SFMBT1: variants seen among roughly 807,000 people sequenced by gnomAD.
SFMBT1 encodes Scm like with four mbt domains 1, also known as scm-like with four MBT domains protein 1.
Under a neutral mutation model 108.7 loss-of-function variants are expected in SFMBT1, and 32 were observed. The observed-to-expected ratio is 0.29, with a 90% CI of 0.22 to 0.40. SFMBT1 has a LOEUF of 0.40. SFMBT1 is among the 10% of genes least tolerant of loss of function. SFMBT1 has a pLI of 1.00. For synonymous variants in SFMBT1, 348 were observed against 369.5 expected (o/e 0.94, Z 0.67); for missense variants, 816 against 1,059.6 (o/e 0.77, Z 3.19).
chr3:52,941,593 C>CAAA (rs145581859), intron 4 of SFMBT1, among the ~76,000 whole-genome samples: 15,427 of 63,846 alleles, frequency 0.24, 3,328 homozygotes, highest in East Asian at 0.41. Flanking sequence ...GACTCTGTTT[C>CAAA]AAAAAAAAAA....
intron 1 of SFMBT1, among the ~76,000 whole-genome samples, chr3:53,003,625 C>T (rs1004135448): frequency 5.4e-5 from 8 of 149,530 alleles, no homozygotes; most frequent in African/African-American, 1.7e-4. Context: ...GGGCATACCA[C>T]AGAAGCAGTA....
intron 1 of SFMBT1, among the ~76,000 whole-genome samples, chr3:53,004,251 TCTTTC>T (rs145115373): frequency 0.33 from 45,193 of 135,974 alleles, 9,239 homozygotes; most frequent in East Asian, 0.51. Context: ...CCTTCTTTCT[TCTTTC>T]TCTCTCTCTC....
intron 1 of SFMBT1, among the ~76,000 whole-genome samples, chr3:53,004,670 CT>C (rs1215884973): frequency 6.7e-6 from 1 of 150,152 alleles, no homozygotes; most frequent in African/African-American, 2.4e-5. Context: ...TGATAGATCT[CT>C]GAAATTTTGA....
intron 1 of SFMBT1, among the ~76,000 whole-genome samples, chr3:53,027,900 G>A (rs1330363447): frequency 6.6e-6 from 1 of 152,198 alleles, no homozygotes; most frequent in Admixed American, 6.5e-5. Context: ...AGACCTTGGT[G>A]ATGACCTTGA....
intron 11 of SFMBT1, among the ~76,000 whole-genome samples, chr3:52,921,183 C>G (rs1047360658): frequency 1.3e-5 from 2 of 152,322 alleles, no homozygotes; most frequent in African/African-American, 4.8e-5. Context: ...CAGTAGGTAC[C>G]TTCTCAAAGT....
At chr3:53,022,121 G>A (rs1261759339) in intron 1 of SFMBT1, among the ~76,000 whole-genome samples, 1 of 152,172 alleles carries the variant, frequency 6.6e-6, no homozygotes, top group East Asian at 1.9e-4. Context: ...AAGAATCTAA[G>A]CTACTCTAGC....
At chr3:53,020,219 T>C (rs1699260996) in intron 1 of SFMBT1, among the ~76,000 whole-genome samples, 1 of 151,780 alleles carries the variant, frequency 6.6e-6, no homozygotes, top group Non-Finnish European at 1.5e-5. Context: ...TGAAACCCCG[T>C]CTCTACTAAA....
At chr3:52,978,976 C>T (rs1052272307) in intron 1 of SFMBT1, among the ~76,000 whole-genome samples, 1 of 151,984 alleles carries the variant, frequency 6.6e-6, no homozygotes, top group Non-Finnish European at 1.5e-5. Context: ...ATAACGACTA[C>T]TAATATGTAC....
chr3:53,015,419 T>C (rs1699093213), intron 1 of SFMBT1, among the ~76,000 whole-genome samples: 1 of 152,146 alleles, frequency 6.6e-6, no homozygotes, highest in Non-Finnish European at 1.5e-5. Context: ...GACCCAGCAA[T>C]TCCACTCCTA....
intron 3 of SFMBT1, among the ~76,000 whole-genome samples, chr3:52,945,137 A>T (rs868152719): frequency 1.0e-5 from 1 of 95,942 alleles, no homozygotes; most frequent in African/African-American, 4.2e-5. Context: ...CCTTCCAATT[A>T]AAAAAAAAAA....
intron 1 of SFMBT1, among the ~76,000 whole-genome samples, chr3:53,031,661 T>C (rs1375856323): frequency 6.6e-6 from 1 of 152,168 alleles, no homozygotes; most frequent in Non-Finnish European, 1.5e-5. Flanking sequence ...ATTGGTTATT[T>C]ATTCATACCT....
intron 17 of SFMBT1, among the ~76,000 whole-genome samples, chr3:52,908,789 T>C (rs912846090): frequency 1.3e-5 from 2 of 152,148 alleles, no homozygotes; most frequent in African/African-American, 4.8e-5. Context: ...CAGGCTGGTC[T>C]TGAACTCCTG....
At chr3:52,933,508 C>T (rs960545048) in intron 5 of SFMBT1, among the ~76,000 whole-genome samples, 5 of 151,764 alleles carry the variant, frequency 3.3e-5, no homozygotes, top group African/African-American at 1.2e-4. Flanking sequence ...ACTTACATAT[C>T]CAGATATGCA....
rs574224179 is a variant in SFMBT1, at chr3:52,959,113, T to C, written c.29-4702A>G. ...GACACATCGGGGGGAAAAGCATACATTGGGGCCTGTCAAGGGGGACGGGGG... is the reference window on the plus strand; with the variant it reads ...GACACATCGGGGGGAAAAGCATACACTGGGGCCTGTCAAGGGGGACGGGGG... On this transcript the variant is annotated intron_variant, in intron 2 of 20. Transcript: ENST00000394752. 1.0e-3 allele frequency among the ~76,000 whole-genome samples: 152 copies of C among 150,896 alleles called. 1 individual carries two copies. The South Asian group carries it at 0.014, about 14-fold the overall frequency.
In SFMBT1 at chr3:52,948,182, GTTTA is replaced by G. The variant is rs371274918; in HGVS notation, c.124-4593_124-4590del. On this transcript the variant is annotated intron_variant, in intron 3 of 20. Transcript: ENST00000394752. ...AATATGAAGTTAAATATGGGTAAGG[GTTTA>G]TTTGTTTCAACATGTGTACACAATT... 1.2e-4 allele frequency among the ~76,000 whole-genome samples: 19 copies of G among 152,206 alleles called. No individual in the cohort carries two copies. The East Asian group carries it at 2.5e-3, about 20-fold the overall frequency.
chr3:53,036,623 C>T (rs763399408), intron 1 of SFMBT1, among the ~76,000 whole-genome samples: 3 of 152,320 alleles, frequency 2.0e-5, no homozygotes, highest in South Asian at 2.1e-4. Context: ...GGAAGCCCAA[C>T]GGGCAGGGAT....
At chr3:52,996,256 G>A (rs1698328540) in intron 1 of SFMBT1, among the ~76,000 whole-genome samples, 1 of 130,230 alleles carries the variant, frequency 7.7e-6, no homozygotes, top group African/African-American at 2.9e-5. Context: ...CTGGTCACTG[G>A]GCTGCAGTGC....
At chr3:52,950,916 C>T (rs1217907017) in intron 3 of SFMBT1, among the ~76,000 whole-genome samples, 1 of 151,746 alleles carries the variant, frequency 6.6e-6, no homozygotes, top group Non-Finnish European at 1.5e-5. Context: ...GAGTTCAAAA[C>T]CAGCCTGGGC....
intron 13 of SFMBT1, among the ~76,000 whole-genome samples, chr3:52,916,531 T>C (rs565608023): frequency 2.1e-4 from 32 of 151,928 alleles, no homozygotes; most frequent in Middle Eastern, 6.8e-3. Flanking sequence ...TAGCTGGGCA[T>C]GGTGGCAGGC....
Sources: allele counts gnomAD v4.1 joint callset (sites outside exome capture counted in the v4.1 genomes callset), GRCh38; gene constraint gnomAD v4.1.1; transcripts MANE v1.5; gene names NCBI Gene and HGNC (gene_info 2026-07-23, HGNC 2026-07-21).